AFDN: variants seen among roughly 807,000 people sequenced by gnomAD.
The protein encoded by AFDN is afadin.
In AFDN, 68 loss-of-function variants were observed where a neutral mutation model predicts 216.6. That is an observed-to-expected ratio of 0.31 (90% CI 0.26 to 0.38). AFDN has a LOEUF of 0.38. Ranked by LOEUF, AFDN falls within the 10% of genes least tolerant of loss-of-function variation. AFDN has a pLI of 1.00. For missense variants in AFDN, 2,136 were observed against 2,342.0 expected (o/e 0.91, Z 1.82); for synonymous variants, 868 against 853.7 (o/e 1.02, Z -0.29).
chr6:167,951,873 G>A lies in AFDN; in HGVS notation c.4519G>A (p.Val1507Ile), dbSNP rs1424965703. ...GCGCAGAGACTTGCAGTACATTACAGTCAGCAAAGAGGAGCTTTCCTCGGG... is the reference window on the plus strand; with the variant it reads ...GCGCAGAGACTTGCAGTACATTACAATCAGCAAAGAGGAGCTTTCCTCGGG... Reference protein sequence around the residue: ...IERRDLQYITVSKEELSSGDS... With the variant: ...IERRDLQYITISKEELSSGDS... Residue 1507 changes from valine (V) to isoleucine (I), a missense_variant, in exon 30 of 34, where the codon GTC becomes ATC. Val to Ile is a conservative substitution (Grantham distance 29, BLOSUM62 3). Around this residue, in one of 8 missense-constraint regions of AFDN, gnomAD observed 981 missense variants for 966.0 expected, o/e 1.02. Transcript: ENST00000683244. This position sits in a 1 kb window ranked among gnomAD's most constrained non-coding sequence, Gnocchi z 7.1. 1.9e-6 allele frequency: 3 copies of A among 1,613,960 alleles called. No homozygotes were observed. In the Admixed American group the frequency reaches 5.0e-5, roughly 27 times the overall value.
At chr6:167,862,398 T>C (rs1783689801) in intron 1 of AFDN, among the ~76,000 whole-genome samples, 1 of 151,754 alleles carries the variant, frequency 6.6e-6, no homozygotes, top group South Asian at 2.1e-4. Context: ...TTTTTTTAGA[T>C]GAAGTCTTGC....
intron 23 of AFDN, among the ~76,000 whole-genome samples, chr6:167,928,591 C>T (rs1792867410): frequency 6.6e-6 from 1 of 152,156 alleles, no homozygotes; most frequent in South Asian, 2.1e-4. Context: ...AGGAAAAGTG[C>T]CTCAGCTCAG....
In AFDN at chr6:167,907,024, C is replaced by T. The variant is rs1055104772; in HGVS notation, c.1651-147C>T. The T allele has an allele frequency of 1.6e-5, 10 of 623,646 alleles. No homozygotes were observed. In the African/African-American group the frequency reaches 1.8e-4, roughly 12 times the overall value. The allele number at this position is 623,646 out of a possible 1,614,324, so 38.6% of individuals were successfully genotyped here. ...TGGGCACTCCCCGTGGACATAGTGT[C>T]CCCAGCATTGCTTTGTTATTTCCTG... On this transcript the variant is annotated intron_variant, in intron 12 of 33. Coordinates refer to ENST00000683244, the MANE Select transcript of AFDN (RefSeq NM_001386888.1).
intron 8 of AFDN, among the ~76,000 whole-genome samples, chr6:167,891,727 G>T (rs1320781035): frequency 6.6e-6 from 1 of 152,052 alleles, no homozygotes; most frequent in Admixed American, 6.6e-5. Flanking sequence ...ACATATGTAT[G>T]CTGTGCATGG....
At chr6:167,960,606 A>C (rs1379616894) in intron 30 of AFDN, among the ~76,000 whole-genome samples, 1 of 152,244 alleles carries the variant, frequency 6.6e-6, no homozygotes, top group Admixed American at 6.5e-5. Context: ...TTTCTGTAGA[A>C]TATTTAATAT....
At chr6:167,927,761 G>C (rs895728332) in intron 23 of AFDN, among the ~76,000 whole-genome samples, 1 of 152,142 alleles carries the variant, frequency 6.6e-6, no homozygotes, top group Admixed American at 6.5e-5. Flanking sequence ...CTTACTCCTG[G>C]TAAGGGTCCT....
At chr6:167,882,330 A>G (rs1421740799) in intron 6 of AFDN, among the ~76,000 whole-genome samples, 3 of 152,196 alleles carry the variant, frequency 2.0e-5, no homozygotes, top group Non-Finnish European at 4.4e-5. Flanking sequence ...CAGACAAGAT[A>G]TTTAGATTAT....
Position 167,918,718 on chromosome 6 carries a change from G to T in AFDN, c.2710-17G>T. 2 of 1,613,582 alleles carry T rather than the reference G, an allele frequency of 1.2e-6. No homozygotes were observed. The highest frequency in any genetic ancestry group is 8.5e-7 in the Non-Finnish European group (1 of 1,179,832). On this transcript the variant is annotated splice_polypyrimidine_tract_variant and intron_variant, in intron 20 of 33. Coordinates refer to ENST00000683244, the MANE Select transcript of AFDN (RefSeq NM_001386888.1). ...AGTGAGCATCTCTTTTTAATTTTGC[G>T]TTTGTTTTCCAAACAGGATCTTATA...
chr6:167,947,815 A>G lies in AFDN; in HGVS notation c.3554-38A>G, dbSNP rs1217005040. 4 of 1,346,800 alleles carry G rather than the reference A, an allele frequency of 3.0e-6. No homozygotes were observed. In the South Asian group the frequency reaches 4.9e-5, roughly 16 times the overall value. The allele number at this position is 1,346,800 out of a possible 1,614,324, so 83.4% of individuals were successfully genotyped here. A position where few individuals can be genotyped will look rare whatever the true frequency, so the allele number is the denominator to read the frequency against. On this transcript the variant is annotated intron_variant, in intron 27 of 33. Coordinates refer to ENST00000683244, the MANE Select transcript of AFDN (RefSeq NM_001386888.1). Reference sequence around the variant, plus strand: ...CATGTTATATATAGGTTGTTTATTTAATATTACACTTTTTTTTTTCCCCCC... The same window carrying G: ...CATGTTATATATAGGTTGTTTATTTGATATTACACTTTTTTTTTTCCCCCC...
intron 1 of AFDN, among the ~76,000 whole-genome samples, chr6:167,828,558 A>C (rs1285701309): frequency 6.6e-6 from 1 of 152,210 alleles, no homozygotes; most frequent in African/African-American, 2.4e-5. Context: ...TTCTGTAATG[A>C]TTTTATGAGT....
chr6:167,970,173 C>T lies in AFDN; in HGVS notation c.*238C>T. 2.3e-6 allele frequency: 1 copy of T among 436,472 alleles called. No individual in the cohort carries two copies. Among genetic ancestry groups the T allele is most frequent in the Admixed American group, 4.6e-5 (1 of 21,810 alleles). The allele number at this position is 436,472 out of a possible 1,614,324, so 27.0% of individuals were successfully genotyped here. On this transcript the variant is annotated 3_prime_UTR_variant, in exon 34 of 34. Transcript: ENST00000683244. ...TGTCTAGTTTCTTAATTATCTAACT[C>T]ACACGAGGGTAAGTTTTTTGTTGGT...
At chr6:167,833,717 C>G (rs992223075) in intron 1 of AFDN, among the ~76,000 whole-genome samples, 1 of 152,086 alleles carries the variant, frequency 6.6e-6, no homozygotes, top group African/African-American at 2.4e-5. Flanking sequence ...TTTCCCTCCT[C>G]CTCTTTGACT....
At chr6:167,907,040 T>C in intron 12 of AFDN, 131 bp from the exon 13 acceptor site, 1 of 659,530 alleles carries the variant, frequency 1.5e-6, no homozygotes, top group Non-Finnish European at 2.7e-6. Flanking sequence ...CATTGCTTTG[T>C]TATTTCCTGG....
chr6:167,930,350 TC>T (rs1793130460), intron 23 of AFDN, among the ~76,000 whole-genome samples: 1 of 152,224 alleles, frequency 6.6e-6, no homozygotes, highest in Non-Finnish European at 1.5e-5. Context: ...CTTAGTCACT[TC>T]ATCAGCACAT....
intron 23 of AFDN, among the ~76,000 whole-genome samples, chr6:167,938,561 T>A (rs1466221347): frequency 6.6e-6 from 1 of 152,172 alleles, no homozygotes; most frequent in African/African-American, 2.4e-5. Flanking sequence ...TAGTACATGA[T>A]CAGTTTTGCT....
intron 8 of AFDN, among the ~76,000 whole-genome samples, chr6:167,892,709 A>G (rs1787764397): frequency 6.6e-6 from 1 of 152,204 alleles, no homozygotes; most frequent in African/African-American, 2.4e-5. Context: ...GAGCACCAAA[A>G]CAGATTAAAC....
At chr6:167,874,957 T>G (rs1785186177) in intron 4 of AFDN, among the ~76,000 whole-genome samples, 1 of 152,196 alleles carries the variant, frequency 6.6e-6, no homozygotes, top group Non-Finnish European at 1.5e-5. Flanking sequence ...CAAAATTAAG[T>G]ATTCAGTCCT....
chr6:167,968,739 A>G (rs945410803), intron 32 of AFDN: 2 of 201,986 alleles, frequency 9.9e-6, no homozygotes, highest in Non-Finnish European at 2.1e-5. Context: ...TCTGCATCAC[A>G]TCTTTTGATC....
At position 167,827,162 on chromosome 6, in the gene AFDN, G is replaced by A; in HGVS notation, c.30G>A (p.Arg10=). 1 of 1,301,592 alleles carries A rather than the reference G, an allele frequency of 7.7e-7. No individual in the cohort carries two copies. 80.6% of individuals were successfully genotyped at this position (1,301,592 alleles called of 1,614,324 possible). ...CGGCGGGCGGCCGTGACGAGGAGCG[G>A]CGGAAGCTGGCCGACATCATCCACC... MSAGGRDEE[R]RKLADIIHHW... is the part of the protein sequence containing the mutation. The change falls in exon 1 of 34, where the codon CGG becomes CGA. Residue 10 remains arginine, a synonymous_variant. Transcript: ENST00000683244.
Sources: allele counts gnomAD v4.1 joint callset (sites outside exome capture counted in the v4.1 genomes callset), GRCh38; gene constraint gnomAD v4.1.1; regional missense constraint gnomAD v4.1.1; non-coding constraint Gnocchi (gnomAD v3.1); transcripts MANE v1.5; gene names NCBI Gene and HGNC (gene_info 2026-07-23, HGNC 2026-07-21).